NDUFAF2: variants seen among roughly 807,000 people sequenced by gnomAD.
NDUFAF2 encodes the protein NADH:ubiquinone oxidoreductase complex assembly factor 2, also known as NADH dehydrogenase [ubiquinone] 1 alpha subcomplex assembly factor 2.
Under a neutral mutation model 22.8 loss-of-function variants are expected in NDUFAF2, and 13 were observed. The observed-to-expected ratio is 0.57, with a 90% CI of 0.37 to 0.91. The LOEUF (loss-of-function observed/expected upper bound fraction) is 0.91. Among genes scored for constraint, NDUFAF2 ranks in the 40% least tolerant of loss-of-function variants. The pLI is 0.01. For synonymous variants in NDUFAF2, 53 were observed against 64.2 expected (o/e 0.83, Z 0.84); for missense variants, 162 against 195.2 (o/e 0.83, Z 1.01).
Position 60,971,933 on chromosome 5 carries a change from C to A in NDUFAF2, c.127+26551C>A, listed in dbSNP as rs532182053. Among the ~76,000 whole-genome samples, 41 of 151,438 alleles carry A rather than the reference C, an allele frequency of 2.7e-4. No homozygotes were observed. The East Asian group carries it at 7.8e-3, about 29-fold the overall frequency. ...ACAACTTTGCCCATTCTTTTTGCCCCCCTCCCTTTTTTTTTTTTTTTTTTT... is the reference window on the plus strand; with the variant it reads ...ACAACTTTGCCCATTCTTTTTGCCCACCTCCCTTTTTTTTTTTTTTTTTTT... On this transcript the variant is annotated intron_variant, in intron 1 of 3. Coordinates refer to ENST00000296597, the MANE Select transcript of NDUFAF2 (RefSeq NM_174889.5).
At chr5:61,066,375 C>T (rs958230514) in intron 1 of NDUFAF2, among the ~76,000 whole-genome samples, 1 of 151,774 alleles carries the variant, frequency 6.6e-6, no homozygotes, top group Non-Finnish European at 1.5e-5. Flanking sequence ...TTGTATAGAA[C>T]CATAAAAGGC....
intron 1 of NDUFAF2, among the ~76,000 whole-genome samples, chr5:60,967,058 C>A (rs538344365): frequency 6.6e-6 from 1 of 152,038 alleles, no homozygotes; most frequent in South Asian, 2.1e-4. Flanking sequence ...GGATTTTTCA[C>A]CTCCTTGGCG....
chr5:60,955,919 G>GT (rs201647934), intron 1 of NDUFAF2, among the ~76,000 whole-genome samples: 57,992 of 143,878 alleles, frequency 0.4, 12,276 homozygotes, highest in East Asian at 0.8. Context: ...TGTTGACTTT[G>GT]TTTTTTTTTT....
chr5:60,998,777 CATAAAA>C (rs901947855), intron 1 of NDUFAF2, among the ~76,000 whole-genome samples: 1 of 150,778 alleles, frequency 6.6e-6, no homozygotes, highest in African/African-American at 2.4e-5. Context: ...GACCTAACTG[CATAAAA>C]ATTTTTATCA....
intron 3 of NDUFAF2, among the ~76,000 whole-genome samples, chr5:61,112,707 C>A (rs981337313): frequency 3.3e-4 from 50 of 152,002 alleles, no homozygotes; most frequent in African/African-American, 1.2e-3. Context: ...AATTCATCAG[C>A]TAATTTGTCT....
intron 1 of NDUFAF2, among the ~76,000 whole-genome samples, chr5:61,044,619 G>C (rs985239989): frequency 6.6e-6 from 1 of 152,134 alleles, no homozygotes; most frequent in Non-Finnish European, 1.5e-5. Context: ...CATCTTTGTG[G>C]AAAAGCAGTT....
chr5:61,005,817 G>T (rs1416834901), intron 1 of NDUFAF2, among the ~76,000 whole-genome samples: 1 of 151,952 alleles, frequency 6.6e-6, no homozygotes. Flanking sequence ...ATTTGTTTAA[G>T]TTCTTTGTAG....
intron 1 of NDUFAF2, among the ~76,000 whole-genome samples, chr5:61,026,839 T>C (rs948224059): frequency 2.0e-5 from 3 of 151,960 alleles, no homozygotes; most frequent in African/African-American, 7.2e-5. Flanking sequence ...GTTTAATGCA[T>C]ATCTTGTGGA....
chr5:60,990,340 C>A (rs989028688), intron 1 of NDUFAF2, among the ~76,000 whole-genome samples: 1 of 151,964 alleles, frequency 6.6e-6, no homozygotes, highest in Non-Finnish European at 1.5e-5. Flanking sequence ...TGATGGATAT[C>A]CTATTTATTG....
chr5:61,101,183 G>C (rs1383830773), intron 3 of NDUFAF2, among the ~76,000 whole-genome samples: 1 of 151,950 alleles, frequency 6.6e-6, no homozygotes, highest in Non-Finnish European at 1.5e-5. Flanking sequence ...CAAAAAAATA[G>C]CTTATTTAGT....
At chr5:60,992,679 G>A (rs1751176303) in intron 1 of NDUFAF2, among the ~76,000 whole-genome samples, 1 of 151,982 alleles carries the variant, frequency 6.6e-6, no homozygotes, top group South Asian at 2.1e-4. Context: ...TTTGATAGAA[G>A]TATTCCCTTT....
At chr5:61,133,843 CAGAA>C in intron 3 of NDUFAF2, among the ~76,000 whole-genome samples, 1 of 152,280 alleles carries the variant, frequency 6.6e-6, no homozygotes, top group African/African-American at 2.4e-5. Context: ...TTGTGGGAGA[CAGAA>C]AGGCATAAAG....
intron 1 of NDUFAF2, among the ~76,000 whole-genome samples, chr5:60,957,822 T>C (rs373916658): frequency 2.6e-5 from 4 of 152,210 alleles, no homozygotes; most frequent in East Asian, 1.9e-4. Flanking sequence ...AAGGGGCTCA[T>C]TGGGACACTG....
intron 3 of NDUFAF2, among the ~76,000 whole-genome samples, chr5:61,104,247 C>T (rs1468848237): frequency 6.6e-6 from 1 of 152,092 alleles, no homozygotes. Context: ...AGTCCTAACT[C>T]TATTCCATTA....
intron 1 of NDUFAF2, among the ~76,000 whole-genome samples, chr5:61,056,948 A>ATATATATATATT (rs1283107629): frequency 8.1e-6 from 1 of 122,868 alleles, no homozygotes; most frequent in Non-Finnish European, 1.6e-5. Context: ...ATATATATAT[A>ATATATATATATT]TATATTTATA....
intron 3 of NDUFAF2, among the ~76,000 whole-genome samples, chr5:61,128,119 T>G (rs912989485): frequency 4.6e-5 from 7 of 152,146 alleles, no homozygotes; most frequent in African/African-American, 1.7e-4. Flanking sequence ...CAAGGAGAAC[T>G]ACAAACCACT....
chr5:60,958,707 T>C (rs1750648931), intron 1 of NDUFAF2, among the ~76,000 whole-genome samples: 1 of 152,222 alleles, frequency 6.6e-6, no homozygotes, highest in Non-Finnish European at 1.5e-5. Flanking sequence ...AAACAAAATA[T>C]AAGAAAACCA....
At chr5:60,993,667 C>T (rs565577152) in intron 1 of NDUFAF2, among the ~76,000 whole-genome samples, 7 of 152,002 alleles carry the variant, frequency 4.6e-5, no homozygotes, top group Non-Finnish European at 8.8e-5. Flanking sequence ...ACATCTGCAG[C>T]TGTCAACAGA....
chr5:61,122,302 T>C (rs1752985747), intron 3 of NDUFAF2, among the ~76,000 whole-genome samples: 2 of 152,206 alleles, frequency 1.3e-5, no homozygotes, highest in South Asian at 4.1e-4. Flanking sequence ...GGTCATACTC[T>C]TAAAAAGTTT....
Sources: gnomAD v4.1 joint callset for allele counts (sites outside exome capture counted in the v4.1 genomes callset) on GRCh38, gnomAD v4.1.1 for gene constraint, MANE v1.5 for transcripts, NCBI Gene and HGNC (gene_info 2026-07-23, HGNC 2026-07-21) for gene names.